MAST4: variants seen among roughly 807,000 people sequenced by gnomAD.
MAST4 encodes microtubule-associated serine/threonine-protein kinase 4.
Under a neutral mutation model 162.7 loss-of-function variants are expected in MAST4, and 89 were observed. The observed-to-expected ratio is 0.55, with a 90% CI of 0.46 to 0.65. The LOEUF is 0.65. Ranked by LOEUF, MAST4 falls within the 30% of genes least tolerant of loss-of-function variation. MAST4 has a pLI of 0.00. For synonymous variants in MAST4, 1,479 were observed against 1,361.1 expected, an observed-to-expected ratio of 1.09 and a Z score of -1.91; for missense variants, 3,153 against 3,374.0, an observed-to-expected ratio of 0.93 and a Z score of 1.62.
At chr5:66,692,191 G>A (rs903462685) in intron 1 of MAST4, among the ~76,000 whole-genome samples, 4 of 151,930 alleles carry the variant, frequency 2.6e-5, no homozygotes, top group Non-Finnish European at 5.9e-5. Context: ...GCTCTCTCTC[G>A]ACCTCTTAGG....
At chr5:66,801,805 G>T (rs112101969) in intron 3 of MAST4, among the ~76,000 whole-genome samples, 146 of 152,312 alleles carry the variant, frequency 9.6e-4, no homozygotes, top group African/African-American at 3.4e-3. Context: ...TAATTAGAAT[G>T]TAACATACCA....
chr5:66,748,967 A>C (rs1752961390), intron 1 of MAST4, among the ~76,000 whole-genome samples: 1 of 152,098 alleles, frequency 6.6e-6, no homozygotes, highest in Non-Finnish European at 1.5e-5. Flanking sequence ...GGGGCCTTGC[A>C]TATTCTTCAG....
intron 3 of MAST4, among the ~76,000 whole-genome samples, chr5:66,860,608 C>T (rs1333787339): frequency 8.9e-5 from 12 of 134,694 alleles, no homozygotes; most frequent in Non-Finnish European, 6.4e-5. Flanking sequence ...TCACCTTTTT[C>T]GTTTTTTTTT....
chr5:66,812,769 C>T (rs942733318), intron 3 of MAST4, among the ~76,000 whole-genome samples: 2 of 152,190 alleles, frequency 1.3e-5, no homozygotes, highest in African/African-American at 2.4e-5. Flanking sequence ...GGGGCGCTGT[C>T]AGTGGGTTTT....
At chr5:66,715,542 T>G (rs868071245) in intron 1 of MAST4, among the ~76,000 whole-genome samples, 258 of 127,558 alleles carry the variant, frequency 2.0e-3, no homozygotes, top group African/African-American at 4.9e-3. Flanking sequence ...AGGGGGGAGG[T>G]ATAGCATTAG....
intron 1 of MAST4, among the ~76,000 whole-genome samples, chr5:66,634,656 A>G (rs1423617830): frequency 6.6e-6 from 1 of 152,204 alleles, no homozygotes; most frequent in Admixed American, 6.5e-5. Flanking sequence ...AATAATCATA[A>G]TAGGCACTCA....
At chr5:67,063,332 A>G (rs1005884930) in intron 5 of MAST4, among the ~76,000 whole-genome samples, 2 of 152,210 alleles carry the variant, frequency 1.3e-5, no homozygotes, top group African/African-American at 4.8e-5. Context: ...AATCGGGTGT[A>G]TATACCAACA....
rs531008706 is a variant in MAST4 at position 67,145,742 on chromosome 5, A to C, written c.3094+363A>C. 3.3e-5 allele frequency among the ~76,000 whole-genome samples: 5 copies of C among 152,326 alleles called. No homozygotes were observed. The South Asian group carries it at 1.0e-3, about 32-fold the overall frequency. ...TGTCTTATACAGTTGCATCTAACTCAAAAGTTCAGTGTAAGAGCCAGTATC... is the reference window on the plus strand; with the variant it reads ...TGTCTTATACAGTTGCATCTAACTCCAAAGTTCAGTGTAAGAGCCAGTATC... On this transcript the variant is annotated intron_variant, in intron 23 of 28. Coordinates refer to ENST00000403625, the MANE Select transcript of MAST4 (RefSeq NM_001164664.2).
intron 4 of MAST4, among the ~76,000 whole-genome samples, chr5:66,945,090 T>A (rs1372459674): frequency 6.6e-6 from 1 of 152,126 alleles, no homozygotes; most frequent in African/African-American, 2.4e-5. Flanking sequence ...AAAACTTTTA[T>A]ATGGGGAAAG....
intron 2 of MAST4, among the ~76,000 whole-genome samples, chr5:66,765,777 A>G (rs1427113390): frequency 6.6e-6 from 1 of 151,964 alleles, no homozygotes; most frequent in Non-Finnish European, 1.5e-5. Flanking sequence ...CATGATTGAA[A>G]TGTTTGCATT....
intron 2 of MAST4, among the ~76,000 whole-genome samples, chr5:66,766,774 C>T (rs1561316808): frequency 6.6e-6 from 1 of 152,156 alleles, no homozygotes; most frequent in Admixed American, 6.5e-5. Context: ...TTCCTATACA[C>T]TCCAGATTTC....
rs574899281 is a variant in MAST4 at position 67,066,146 on chromosome 5, T to G, written c.763+11654T>G. Among the ~76,000 whole-genome samples the G allele has an allele frequency of 3.3e-5, 5 of 152,276 alleles. No individual in the cohort carries two copies. In the East Asian group the frequency reaches 7.7e-4, roughly 23 times the overall value. On this transcript the variant is annotated intron_variant, in intron 5 of 28. Coordinates refer to ENST00000403625, the MANE Select transcript of MAST4 (RefSeq NM_001164664.2). ...AAAAAAATCTGAACTATTTTAGATG[T>G]TTTTAAAAATATGTTTAAAAACTTC... is the stretch of plus-strand genomic sequence containing the variant.
intron 1 of MAST4, among the ~76,000 whole-genome samples, chr5:66,643,791 TGGAAAATCCATTTGCATTCC>T (rs1359659824): frequency 6.6e-6 from 1 of 152,016 alleles, no homozygotes; most frequent in Non-Finnish European, 1.5e-5. Flanking sequence ...TAAATGCAAA[TGGAAAATCCATTTGCATTCC>T]TAAATTGTTG....
intron 12 of MAST4, among the ~76,000 whole-genome samples, chr5:67,117,888 G>A (rs1767112798): frequency 6.6e-6 from 1 of 152,112 alleles, no homozygotes; most frequent in African/African-American, 2.4e-5. Flanking sequence ...TAAATAGTCA[G>A]GGTAGTACTT....
intron 1 of MAST4, among the ~76,000 whole-genome samples, chr5:66,699,925 AAAAC>A (rs1027643742): frequency 1.3e-5 from 2 of 152,206 alleles, no homozygotes; most frequent in Middle Eastern, 3.2e-3. Flanking sequence ...CTTAAAAAAA[AAAAC>A]AAACCCCAAA....
At position 67,165,848 on chromosome 5, in the gene MAST4, G is replaced by A; in HGVS notation, c.6669G>A (p.Lys2223=). Residue 2223 remains lysine (K), a synonymous_variant, in exon 29 of 29, where the codon AAG becomes AAA. Transcript: ENST00000403625. ...AGAAACCAAGTGTCGGGGCCACAAA[G>A]GGCAAAGAGCCTGCCACTCAGTCCC... ...SSQKPSVGAT[K]GKEPATQSLG... is the part of the protein sequence containing the mutation. The A allele has an allele frequency of 6.2e-7, 1 of 1,613,126 alleles. No individual in the cohort carries two copies. The highest frequency in any genetic ancestry group is 2.2e-5 in the East Asian group (1 of 44,880).
At chr5:66,903,063 G>C (rs17282818) in intron 4 of MAST4, among the ~76,000 whole-genome samples, 1,522 of 152,154 alleles carry the variant, frequency 0.01, 14 homozygotes, top group South Asian at 0.02. Context: ...GCAAATTCCA[G>C]GTACAAGATG....
At chr5:66,602,370 C>T (rs1742610804) in intron 1 of MAST4, among the ~76,000 whole-genome samples, 2 of 152,122 alleles carry the variant, frequency 1.3e-5, no homozygotes, top group South Asian at 4.1e-4. Flanking sequence ...TACCAAAGAA[C>T]GAAGGCTTTT....
intron 1 of MAST4, among the ~76,000 whole-genome samples, chr5:66,597,927 C>T (rs919425150): frequency 1.3e-5 from 2 of 152,100 alleles, no homozygotes; most frequent in Non-Finnish European, 2.9e-5. Context: ...TTGCTTTGGA[C>T]GTTTCTTGTG....
Sources: gnomAD v4.1 joint callset for allele counts (sites outside exome capture counted in the v4.1 genomes callset) on GRCh38, gnomAD v4.1.1 for gene constraint, MANE v1.5 for transcripts, NCBI Gene and HGNC (gene_info 2026-07-23, HGNC 2026-07-21) for gene names.